The following AMBRA1 variants were observed in gnomAD, a reference collection of about 807,000 sequenced individuals.
AMBRA1 encodes the protein activating molecule in BECN1-regulated autophagy protein 1.
A neutral mutation model predicts 125.4 loss-of-function variants in AMBRA1; 47 were observed. That is an observed-to-expected ratio of 0.37 (90% CI 0.30 to 0.48). The LOEUF (loss-of-function observed/expected upper bound fraction) is 0.48. Among genes scored for constraint, AMBRA1 ranks in the 20% least tolerant of loss-of-function variants. AMBRA1 has a pLI of 0.99. For synonymous variants in AMBRA1, 626 were observed against 655.5 expected (o/e 0.95, Z 0.69); for missense variants, 1,331 against 1,693.4 (o/e 0.79, Z 3.76).
chr11:46,592,713 G>A (rs1160479316), intron 1 of AMBRA1, among the ~76,000 whole-genome samples: 4 of 151,640 alleles, frequency 2.6e-5, no homozygotes, highest in Admixed American at 6.6e-5. Flanking sequence ...AGCCAAGATC[G>A]CGCCACTGCA....
intron 11 of AMBRA1, among the ~76,000 whole-genome samples, chr11:46,467,402 C>T (rs1949372530): frequency 6.6e-6 from 1 of 152,066 alleles, no homozygotes; most frequent in Non-Finnish European, 1.5e-5. Flanking sequence ...ATAATAAATT[C>T]GTATTTCCTT....
chr11:46,465,697 G>C (rs745989246), intron 11 of AMBRA1, among the ~76,000 whole-genome samples: 1 of 152,054 alleles, frequency 6.6e-6, no homozygotes, highest in South Asian at 2.1e-4. Flanking sequence ...GCAGTGTAAG[G>C]GATCATCAGT....
intron 1 of AMBRA1, among the ~76,000 whole-genome samples, chr11:46,557,843 A>T (rs576119737): frequency 6.6e-6 from 1 of 152,214 alleles, no homozygotes; most frequent in African/African-American, 2.4e-5. Flanking sequence ...ATGGTGATGC[A>T]TGCCTGTACT....
intron 11 of AMBRA1, among the ~76,000 whole-genome samples, chr11:46,492,055 C>G (rs180839839): frequency 2.0e-5 from 3 of 152,162 alleles, no homozygotes; most frequent in Non-Finnish European, 4.4e-5. Flanking sequence ...AAGTTATTAT[C>G]TGCCAGTGAA....
At chr11:46,447,233 C>G (rs1166782190) in intron 11 of AMBRA1, among the ~76,000 whole-genome samples, 1 of 150,538 alleles carries the variant, frequency 6.6e-6, no homozygotes, top group Admixed American at 6.6e-5. Flanking sequence ...GAGTGAGACT[C>G]TTATCGCAAA....
intron 2 of AMBRA1, 68 bp from the exon 3 acceptor site, chr11:46,547,943 A>C (rs2042877132): frequency 6.6e-7 from 1 of 1,517,752 alleles, no homozygotes; most frequent in Non-Finnish European, 8.9e-7. Context: ...CGTATCTCAA[A>C]AGCACATTAA....
intron 9 of AMBRA1, among the ~76,000 whole-genome samples, chr11:46,505,386 G>C (rs1361891776): frequency 6.6e-6 from 1 of 152,152 alleles, no homozygotes; most frequent in East Asian, 1.9e-4. Context: ...GACAGAGAAA[G>C]AATAAACAGT....
At chr11:46,577,632 C>T (rs2087905139) in intron 1 of AMBRA1, among the ~76,000 whole-genome samples, 1 of 151,734 alleles carries the variant, frequency 6.6e-6, no homozygotes, top group African/African-American at 2.4e-5. Context: ...TCAGTAAATC[C>T]TTATTCTAAA....
intron 14 of AMBRA1, among the ~76,000 whole-genome samples, chr11:46,424,902 C>T (rs1015138899): frequency 6.6e-6 from 1 of 151,800 alleles, no homozygotes; most frequent in African/African-American, 2.4e-5. Flanking sequence ...TTTGGGAGGC[C>T]GAGGTGGGTG....
At chr11:46,457,905 CAA>C (rs398045181) in intron 11 of AMBRA1, among the ~76,000 whole-genome samples, 33 of 79,616 alleles carry the variant, frequency 4.1e-4, no homozygotes, top group Admixed American at 4.4e-4. Flanking sequence ...GACTCCGTTG[CAA>C]AAAAAAAAAA....
At chr11:46,502,165 C>T (rs1186144992) in intron 9 of AMBRA1, among the ~76,000 whole-genome samples, 4 of 152,034 alleles carry the variant, frequency 2.6e-5, no homozygotes, top group Non-Finnish European at 4.4e-5. Flanking sequence ...CTGCAATCTC[C>T]GCCTCCTAGG....
chr11:46,414,494 T>C (rs1007227035), intron 15 of AMBRA1, among the ~76,000 whole-genome samples: 1 of 152,006 alleles, frequency 6.6e-6, no homozygotes, highest in African/African-American at 2.4e-5. Flanking sequence ...ATGAGTCCCC[T>C]GATTCTGTCC....
At chr11:46,437,227 G>A (rs983963730) in intron 12 of AMBRA1, among the ~76,000 whole-genome samples, 1 of 152,098 alleles carries the variant, frequency 6.6e-6, no homozygotes, top group Non-Finnish European at 1.5e-5. Flanking sequence ...TGGGCATATG[G>A]ACAAAAAGCA....
At chr11:46,547,558 G>A (rs1015700751) in intron 3 of AMBRA1, 3 of 574,110 alleles carry the variant, frequency 5.2e-6, no homozygotes, top group Admixed American at 6.3e-5. Context: ...TACCACTGGT[G>A]AGCTGTATCA....
chr11:46,425,210 G>C (rs1947062798), intron 14 of AMBRA1, among the ~76,000 whole-genome samples: 1 of 152,064 alleles, frequency 6.6e-6, no homozygotes. Context: ...ACAAGTTCTT[G>C]AACTTCTGTG....
intron 14 of AMBRA1, among the ~76,000 whole-genome samples, chr11:46,431,273 T>C (rs1382834749): frequency 6.6e-6 from 1 of 152,182 alleles, no homozygotes; most frequent in Non-Finnish European, 1.5e-5. Flanking sequence ...TGGTACCTAC[T>C]GAGAATCAAA....
intron 1 of AMBRA1, among the ~76,000 whole-genome samples, chr11:46,591,819 T>C (rs1565334816): frequency 6.6e-6 from 1 of 151,036 alleles, no homozygotes; most frequent in African/African-American, 2.4e-5. Flanking sequence ...ATCGCACCAC[T>C]GCACTCCAGC....
Position 46,413,511 on chromosome 11 carries a change from A to ATGGAGTTTCATTCTTGTTGCCCAGGC in AMBRA1, c.3117-3169_3117-3144dup, listed in dbSNP as rs1946390531. On this transcript the variant is annotated intron_variant, in intron 15 of 17. Transcript: ENST00000683756. ...CTTTCTTTCTCTATTTTTTTCTGAG[A>ATGGAGTTTCATTCTTGTTGCCCAGGC]TGGAGTTTCATTCTTGTTGCCCAGG... Among the ~76,000 whole-genome samples, 5 of 152,146 alleles carry ATGGAGTTTCATTCTTGTTGCCCAGGC rather than the reference A, an allele frequency of 3.3e-5. 1 individual carries two copies. Among genetic ancestry groups the ATGGAGTTTCATTCTTGTTGCCCAGGC allele is most frequent in the Middle Eastern group, 6.8e-3 (2 of 294 alleles).
intron 11 of AMBRA1, among the ~76,000 whole-genome samples, chr11:46,470,190 C>T (rs1019363716): frequency 1.3e-5 from 2 of 152,188 alleles, no homozygotes; most frequent in Middle Eastern, 6.8e-3. Context: ...TGCCTATAAC[C>T]CGAGCACTTT....
Sources: allele counts gnomAD v4.1 joint callset (sites outside exome capture counted in the v4.1 genomes callset), GRCh38; gene constraint gnomAD v4.1.1; transcripts MANE v1.5; gene names NCBI Gene and HGNC (gene_info 2026-07-23, HGNC 2026-07-21).